The following EPC1 variants were observed in gnomAD, a reference collection of about 807,000 sequenced individuals.
The protein encoded by EPC1 is enhancer of polycomb homolog 1.
In EPC1, 12 loss-of-function variants were observed where a neutral mutation model predicts 98.4. That is an observed-to-expected ratio of 0.12 (90% CI 0.08 to 0.20). The LOEUF (loss-of-function observed/expected upper bound fraction) is 0.20, where lower values mean the gene tolerates loss of function less well. EPC1 is among the 10% of genes least tolerant of loss of function. The pLI is 1.00. For synonymous variants in EPC1, 357 were observed against 363.9 expected, an observed-to-expected ratio of 0.98 and a Z score of 0.21; for missense variants, 729 against 990.5, an observed-to-expected ratio of 0.74 and a Z score of 3.54.
chr10:32,272,327 C>T (rs1029614367), intron 11 of EPC1, 160 bp from the exon 12 acceptor site: 3 of 583,872 alleles, frequency 5.1e-6, no homozygotes, highest in African/African-American at 1.9e-5. Flanking sequence ...GTAATTATAT[C>T]TCTTTTGATA....
rs201679703 is a variant in EPC1 at position 32,311,173 on chromosome 10, T to C, written c.154-5242A>G. 4.4e-3 allele frequency among the ~76,000 whole-genome samples: 666 copies of C among 150,026 alleles called. 7 individuals are homozygous for C. The East Asian group carries it at 0.056, about 13-fold the overall frequency. ...AAAATACAAAAAAAAATTAGCCGGGTGTGGTGGTGGGCGCCTGTAGTCCCA... is the reference window on the plus strand; with the variant it reads ...AAAATACAAAAAAAAATTAGCCGGGCGTGGTGGTGGGCGCCTGTAGTCCCA... On this transcript the variant is annotated intron_variant, in intron 1 of 13. Coordinates refer to ENST00000319778, the MANE Select transcript of EPC1 (RefSeq NM_001272004.3).
intron 2 of EPC1, among the ~76,000 whole-genome samples, chr10:32,296,643 C>G (rs1835177119): frequency 6.6e-6 from 1 of 152,172 alleles, no homozygotes; most frequent in Non-Finnish European, 1.5e-5. Flanking sequence ...GGCGTAGTGG[C>G]TCACGCCTGT....
intron 1 of EPC1, 190 bp downstream of exon 1, chr10:32,346,573 G>A (rs982368533): frequency 8.1e-6 from 5 of 614,540 alleles, no homozygotes; most frequent in East Asian, 2.9e-5. Flanking sequence ...GCCTTAGAAG[G>A]GGCCCCGCTG....
At chr10:32,288,814 G>C (rs959572325) in intron 6 of EPC1, among the ~76,000 whole-genome samples, 1 of 151,708 alleles carries the variant, frequency 6.6e-6, no homozygotes, top group African/African-American at 2.4e-5. Flanking sequence ...GGGAGGTCGG[G>C]TGGGGTGGCT....
intron 1 of EPC1, among the ~76,000 whole-genome samples, chr10:32,368,729 G>A (rs1297262172): frequency 6.6e-6 from 1 of 152,094 alleles, no homozygotes; most frequent in Non-Finnish European, 1.5e-5. Context: ...ACCTGAATGC[G>A]GTAATCTTTT....
At chr10:32,287,604 A>G (rs1489228339) in intron 6 of EPC1, among the ~76,000 whole-genome samples, 3 of 152,198 alleles carry the variant, frequency 2.0e-5, no homozygotes, top group Non-Finnish European at 4.4e-5. Context: ...TTAATTTTCT[A>G]TGAAAATTCT....
intron 1 of EPC1, among the ~76,000 whole-genome samples, chr10:32,375,889 T>C (rs947139687): frequency 5.3e-5 from 8 of 152,030 alleles, no homozygotes; most frequent in Non-Finnish European, 7.4e-5. Context: ...TAAAGGTTTT[T>C]AATCCAAAAA....
chr10:32,279,270 C>T (rs1218285540), intron 10 of EPC1, among the ~76,000 whole-genome samples: 1 of 151,804 alleles, frequency 6.6e-6, no homozygotes, highest in African/African-American at 2.4e-5. Context: ...AATCGCTGAA[C>T]CCGGTAGGCG....
intron 6 of EPC1, among the ~76,000 whole-genome samples, chr10:32,289,969 A>G (rs1836905582): frequency 6.6e-6 from 1 of 152,068 alleles, no homozygotes; most frequent in Admixed American, 6.5e-5. Context: ...TTTTCCTCAG[A>G]TGTACACTTT....
chr10:32,312,898 T>C (rs1464744149), intron 1 of EPC1, among the ~76,000 whole-genome samples: 2 of 152,132 alleles, frequency 1.3e-5, no homozygotes, highest in Non-Finnish European at 2.9e-5. Flanking sequence ...AGGAAATGAG[T>C]TCTGTGTTTC....
intron 1 of EPC1, among the ~76,000 whole-genome samples, chr10:32,327,431 A>G (rs1837365494): frequency 6.6e-6 from 1 of 152,190 alleles, no homozygotes; most frequent in African/African-American, 2.4e-5. Flanking sequence ...TATATGTTTC[A>G]AAATAGCCAG....
intron 1 of EPC1, among the ~76,000 whole-genome samples, chr10:32,372,864 T>C (rs1413294403): frequency 6.6e-6 from 1 of 151,882 alleles, no homozygotes; most frequent in African/African-American, 2.4e-5. Context: ...CTACTAAAAA[T>C]ACAAAAAAAA....
intron 2 of EPC1, among the ~76,000 whole-genome samples, chr10:32,300,827 G>A (rs749146843): frequency 3.9e-5 from 6 of 151,932 alleles, no homozygotes; most frequent in Non-Finnish European, 5.9e-5. Context: ...GTGTCTTCAC[G>A]ACACACCACC....
At chr10:32,297,083 A>G (rs1458330967) in intron 2 of EPC1, among the ~76,000 whole-genome samples, 1 of 152,138 alleles carries the variant, frequency 6.6e-6, no homozygotes, top group Non-Finnish European at 1.5e-5. Flanking sequence ...TGCAGCTTCC[A>G]ATAAACACCT....
Position 32,292,975 on chromosome 10 carries a change from C to T in EPC1, c.666+13G>A, listed in dbSNP as rs1397926534. On this transcript the variant is annotated intron_variant, in intron 4 of 13. Transcript: ENST00000319778. ...TTATATAATTATCAAAAAAATTCTTCAAATTCACTTACTTTTCGAGTCTGC... is the reference window on the plus strand; with the variant it reads ...TTATATAATTATCAAAAAAATTCTTTAAATTCACTTACTTTTCGAGTCTGC... 2.0e-6 allele frequency: 3 copies of T among 1,517,146 alleles called. No individual in the cohort carries two copies. The highest frequency in any genetic ancestry group is 1.4e-5 in the African/African-American group (1 of 71,654). 94.0% of individuals were successfully genotyped at this position (1,517,146 alleles called of 1,614,324 possible).
chr10:32,323,391 C>T (rs17296017), intron 1 of EPC1, among the ~76,000 whole-genome samples: 4,712 of 152,012 alleles, frequency 0.031, 112 homozygotes, highest in Non-Finnish European at 0.046. Context: ...TCAAGCTTAC[C>T]CCCTTTTATT....
At chr10:32,281,941 G>GATT (rs1836430883) in intron 10 of EPC1, 1 of 152,100 alleles carries the variant, frequency 6.6e-6, no homozygotes, top group Admixed American at 6.5e-5. Flanking sequence ...AAAGTACTGG[G>GATT]ATTACAGGCA....
At chr10:32,345,590 G>C (rs1838716434) in intron 1 of EPC1, 2 of 985,278 alleles carry the variant, frequency 2.0e-6, no homozygotes, top group Non-Finnish European at 1.2e-6. Context: ...CAATTCCTTA[G>C]GATTAGAAGT....
chr10:32,378,162 T>C (rs1473398223), intron 1 of EPC1, among the ~76,000 whole-genome samples: 1 of 152,188 alleles, frequency 6.6e-6, no homozygotes, highest in Non-Finnish European at 1.5e-5. Context: ...AGGTAAGACA[T>C]AATTTTTATA....
Sources: allele counts gnomAD v4.1 joint callset (sites outside exome capture counted in the v4.1 genomes callset), GRCh38; gene constraint gnomAD v4.1.1; transcripts MANE v1.5; gene names NCBI Gene and HGNC (gene_info 2026-07-23, HGNC 2026-07-21).